Variants in ADGRA3 observed in about 807,000 individuals in gnomAD.
The protein encoded by ADGRA3 is G-protein coupled receptor 125.
Under a neutral mutation model 119.8 loss-of-function variants are expected in ADGRA3, and 56 were observed. That is an observed-to-expected ratio of 0.47 (90% CI 0.38 to 0.58). ADGRA3 has a LOEUF of 0.58. Ranked by LOEUF, ADGRA3 falls within the 20% of genes least tolerant of loss-of-function variation. The pLI, the probability that ADGRA3 is intolerant of heterozygous loss-of-function variation, is 0.00. For synonymous variants in ADGRA3, 607 were observed against 623.8 expected (o/e 0.97, Z 0.40); for missense variants, 1,516 against 1,649.0 (o/e 0.92, Z 1.40).
chr4:22,466,922 G>T (rs1220128236), intron 2 of ADGRA3, among the ~76,000 whole-genome samples: 1 of 152,130 alleles, frequency 6.6e-6, no homozygotes, highest in African/African-American at 2.4e-5. Context: ...AATACACCAA[G>T]GCTAGGAGAC....
In ADGRA3 at chr4:22,414,392, C is replaced by T. The variant is rs998183681; in HGVS notation, c.1810-578G>A. The stretch of plus-strand genomic sequence containing the variant: ...AAAAAATAATAACACATAGGAACAA[C>T]TGAAAATGCTGACTGATCACTGAAT... On this transcript the variant is annotated intron_variant, in intron 12 of 18. Transcript: ENST00000334304. The T allele has an allele frequency of 1.1e-5, 5 of 454,154 alleles. No individual in the cohort carries two copies. The East Asian group carries it at 1.7e-4, about 16-fold the overall frequency. The allele number at this position is 454,154 out of a possible 1,614,324, so 28.1% of individuals were successfully genotyped here. A position where few individuals can be genotyped will look rare whatever the true frequency, so the allele number is the denominator to read the frequency against.
intron 2 of ADGRA3, among the ~76,000 whole-genome samples, chr4:22,469,514 T>A (rs781062512): frequency 5.9e-5 from 9 of 152,144 alleles, no homozygotes; most frequent in Non-Finnish European, 1.5e-5. Context: ...CTCATCACCA[T>A]CTACAGCTTT....
intron 1 of ADGRA3, among the ~76,000 whole-genome samples, chr4:22,513,978 A>T (rs1417956040): frequency 6.6e-6 from 1 of 152,020 alleles, no homozygotes; most frequent in East Asian, 1.9e-4. Flanking sequence ...ATTTACCACC[A>T]TATCCCCTAT....
At chr4:22,469,656 C>T (rs112459450) in intron 2 of ADGRA3, among the ~76,000 whole-genome samples, 9 of 152,106 alleles carry the variant, frequency 5.9e-5, no homozygotes, top group Non-Finnish European at 1.2e-4. Flanking sequence ...CACAGGATAC[C>T]GTAATCTCTG....
rs1173207886 is a variant in ADGRA3, at chr4:22,413,485, T to G, written c.2024-95A>C. ...CAGTAATGGGTACTCTGCAAGATCT[T>G]TCTTCACTAGTGACTCATTAAAACG... On this transcript the variant is annotated intron_variant, in intron 13 of 18. Transcript: ENST00000334304. The G allele has an allele frequency of 2.2e-6, 3 of 1,374,072 alleles. No homozygotes were observed. In the East Asian group the frequency reaches 7.0e-5, roughly 32 times the overall value. The allele number at this position is 1,374,072 out of a possible 1,614,324, so 85.1% of individuals were successfully genotyped here. A position where few individuals can be genotyped will look rare whatever the true frequency, so the allele number is the denominator to read the frequency against.
chr4:22,439,201 C>T (rs1377712273), intron 7 of ADGRA3, among the ~76,000 whole-genome samples: 1 of 152,148 alleles, frequency 6.6e-6, no homozygotes, highest in Non-Finnish European at 1.5e-5. Flanking sequence ...AAGGGTTACA[C>T]TAGAAACAAA....
chr4:22,401,383 TTC>T, intron 16 of ADGRA3, 46 bp downstream of exon 16: 1 of 1,513,664 alleles, frequency 6.6e-7, no homozygotes, highest in Non-Finnish European at 8.9e-7. Context: ...TGAAATTATC[TTC>T]TAATACCAGT....
At position 22,491,308 on chromosome 4, in the gene ADGRA3, T is replaced by A. The variant is rs151163360; in HGVS notation, c.258-17465A>T. ...GGGCTTTGCAGGCCAAGAGGCAAGA[T>A]CCATAATATGATGTAGGTACTTATA... On this transcript the variant is annotated intron_variant, in intron 1 of 18. Transcript: ENST00000334304. Among the ~76,000 whole-genome samples, 8 of 152,352 alleles carry A rather than the reference T, an allele frequency of 5.3e-5. 1 individual carries two copies. Among genetic ancestry groups the A allele is most frequent in the African/African-American group, 1.7e-4 (7 of 41,584 alleles).
At chr4:22,410,861 GAAA>G (rs1284912311) in intron 14 of ADGRA3, among the ~76,000 whole-genome samples, 1 of 151,822 alleles carries the variant, frequency 6.6e-6, no homozygotes, top group Non-Finnish European at 1.5e-5. Context: ...TTAAGAAAAG[GAAA>G]AAGTCTTTGA....
At position 22,408,266 on chromosome 4, in the gene ADGRA3, A is replaced by T. The variant is rs187561553; in HGVS notation, c.2232+4916T>A. On this transcript the variant is annotated intron_variant, in intron 14 of 18. Transcript: ENST00000334304. ...GGGGTAGAAAAATTTCTTAAACAGC[A>T]TTAACTAAAACAACAACAACAACCA... 3.3e-5 allele frequency among the ~76,000 whole-genome samples: 5 copies of T among 152,150 alleles called. No homozygotes were observed. In the East Asian group the frequency reaches 9.6e-4, roughly 29 times the overall value.
intron 14 of ADGRA3, among the ~76,000 whole-genome samples, chr4:22,409,570 TC>T (rs1715101993): frequency 6.6e-6 from 1 of 152,154 alleles, no homozygotes; most frequent in Non-Finnish European, 1.5e-5. Context: ...CAGTACTATT[TC>T]TCATGAGGCT....
At position 22,442,806 on chromosome 4, in the gene ADGRA3, A is replaced by G. The variant is rs986688317; in HGVS notation, c.764T>C (p.Phe255Ser). 9 of 1,613,468 alleles carry G rather than the reference A, an allele frequency of 5.6e-6. No homozygotes were observed. The highest frequency in any genetic ancestry group is 7.6e-6 in the Non-Finnish European group (9 of 1,179,524). ...CTGGAAAGGAAGGCTGTCTCCTTCA[A>G]ACACAACTTGGCGATGAGATGGAGT... is the stretch of plus-strand genomic sequence containing the variant. ...YMTPSHRQVV[F>S]EGDSLPFQCM... Residue 255 changes from phenylalanine to serine, a missense_variant, in exon 7 of 19, where the codon TTT becomes TCT. By Grantham distance (155) the Phe-to-Ser change is radical (BLOSUM62 -2). This residue lies in a region of ADGRA3 where 428 missense variants were observed against 541.9 expected (regional missense o/e 0.79). Coordinates refer to ENST00000334304, the MANE Select transcript of ADGRA3 (RefSeq NM_145290.4).
At chr4:22,410,584 A>G (rs540933171) in intron 14 of ADGRA3, among the ~76,000 whole-genome samples, 2 of 152,320 alleles carry the variant, frequency 1.3e-5, no homozygotes, top group South Asian at 4.1e-4. Context: ...ATAAAAGGAT[A>G]TATTAAGATG....
chr4:22,415,435 G>A (rs1206813458), intron 12 of ADGRA3, among the ~76,000 whole-genome samples: 1 of 152,024 alleles, frequency 6.6e-6, no homozygotes, highest in Non-Finnish European at 1.5e-5. Flanking sequence ...AAAGGTTCCT[G>A]CTATTCTCAC....
chr4:22,494,167 T>C (rs1718728841), intron 1 of ADGRA3, among the ~76,000 whole-genome samples: 2 of 149,468 alleles, frequency 1.3e-5, no homozygotes, highest in South Asian at 4.2e-4. Flanking sequence ...ATCGCACCAC[T>C]GCACTCCAGC....
At chr4:22,506,997 G>A (rs921747467) in intron 1 of ADGRA3, among the ~76,000 whole-genome samples, 3 of 152,080 alleles carry the variant, frequency 2.0e-5, no homozygotes, top group Non-Finnish European at 2.9e-5. Flanking sequence ...CAGCACTTTG[G>A]GAGGTCAAGG....
At chr4:22,409,806 T>C (rs895359292) in intron 14 of ADGRA3, among the ~76,000 whole-genome samples, 2 of 152,144 alleles carry the variant, frequency 1.3e-5, no homozygotes, top group Non-Finnish European at 2.9e-5. Context: ...AATAGGAACA[T>C]ATACTCATTT....
At chr4:22,479,995 C>T (rs192219833) in intron 1 of ADGRA3, among the ~76,000 whole-genome samples, 96 of 152,038 alleles carry the variant, frequency 6.3e-4, no homozygotes, top group Middle Eastern at 3.4e-3. Flanking sequence ...GGGCCTGTCA[C>T]GGGGTGGAGG....
At chr4:22,441,861 A>G (rs149685924) in intron 7 of ADGRA3, among the ~76,000 whole-genome samples, 220 of 152,316 alleles carry the variant, frequency 1.4e-3, no homozygotes, top group African/African-American at 4.9e-3. Flanking sequence ...AGCCAACTGC[A>G]TAAGTCTTGA....
Sources: allele counts gnomAD v4.1 joint callset (sites outside exome capture counted in the v4.1 genomes callset), GRCh38; gene constraint gnomAD v4.1.1; regional missense constraint gnomAD v4.1.1; transcripts MANE v1.5; gene names NCBI Gene and HGNC (gene_info 2026-07-23, HGNC 2026-07-21).